Variants in SUMF1 observed in about 807,000 individuals in gnomAD.
SUMF1 encodes the protein formylglycine-generating enzyme.
In SUMF1, 48 loss-of-function variants were observed where a neutral mutation model predicts 47.6. That is an observed-to-expected ratio of 1.01 (90% CI 0.80 to 1.28). SUMF1 has a LOEUF of 1.28. Ranked by LOEUF, SUMF1 falls within the 50% of genes most tolerant of loss-of-function variation. The probability of loss-of-function intolerance (pLI) is 0.00; values close to 1 mark genes in which losing one functional copy is unlikely to be tolerated. For missense variants in SUMF1, 571 were observed against 485.4 expected, an observed-to-expected ratio of 1.18 and a Z score of -1.66; for synonymous variants, 230 against 192.1, an observed-to-expected ratio of 1.20 and a Z score of -1.63.
chr3:4,138,399 G>A (rs1212582879), intron 8 of SUMF1, among the ~76,000 whole-genome samples: 3 of 152,098 alleles, frequency 2.0e-5, no homozygotes, highest in Non-Finnish European at 2.9e-5. Context: ...ACTGGACAGT[G>A]AACACTGTGA....
intron 8 of SUMF1, among the ~76,000 whole-genome samples, chr3:4,116,445 A>G (rs910951823): frequency 1.1e-4 from 17 of 152,096 alleles, no homozygotes; most frequent in Non-Finnish European, 2.1e-4. Context: ...CAAAAGAGTT[A>G]TTTATTGCTA....
chr3:4,154,051 A>G (rs1419189772), intron 8 of SUMF1, among the ~76,000 whole-genome samples: 2 of 151,448 alleles, frequency 1.3e-5, no homozygotes, highest in African/African-American at 4.9e-5. Flanking sequence ...ACACTGTAAC[A>G]TGGACTATGG....
At chr3:4,317,042 TG>T in intron 8 of SUMF1, 1 of 1,549,398 alleles carries the variant, frequency 6.5e-7, no homozygotes, top group Non-Finnish European at 8.7e-7. Context: ...CGTATTCACC[TG>T]ACCTCTTGCC....
At chr3:4,063,168 C>A (rs1695302008) in intron 9 of SUMF1, among the ~76,000 whole-genome samples, 2 of 152,158 alleles carry the variant, frequency 1.3e-5, no homozygotes, top group African/African-American at 4.8e-5. Flanking sequence ...GGTTACCTAC[C>A]AGTAGAGCGT....
At chr3:4,164,330 A>G (rs1414858250) in intron 8 of SUMF1, among the ~76,000 whole-genome samples, 4 of 152,116 alleles carry the variant, frequency 2.6e-5, no homozygotes. Flanking sequence ...CTGGCCCTCA[A>G]TGGTTAAACG....
chr3:4,440,576 T>G (rs1368843027), intron 3 of SUMF1, among the ~76,000 whole-genome samples: 1 of 152,182 alleles, frequency 6.6e-6, no homozygotes, highest in Non-Finnish European at 1.5e-5. Context: ...ATTCTTTGCC[T>G]TCTGTCCCAG....
At chr3:4,259,184 A>C (rs1697030942) in intron 8 of SUMF1, among the ~76,000 whole-genome samples, 2 of 151,694 alleles carry the variant, frequency 1.3e-5, no homozygotes, top group African/African-American at 4.9e-5. Context: ...TAGTGGGTGC[A>C]GCGCACCAGC....
chr3:4,207,728 A>G (rs945264553), intron 8 of SUMF1, among the ~76,000 whole-genome samples: 11 of 152,176 alleles, frequency 7.2e-5, no homozygotes, highest in Non-Finnish European at 1.3e-4. Flanking sequence ...TCTTAAATTC[A>G]TCAAAGAAGT....
intron 8 of SUMF1, among the ~76,000 whole-genome samples, chr3:4,120,776 C>T (rs539636284): frequency 6.6e-6 from 1 of 152,112 alleles, no homozygotes; most frequent in Admixed American, 6.5e-5. Flanking sequence ...CAACAAGACC[C>T]CCAACTTGAG....
intron 8 of SUMF1, among the ~76,000 whole-genome samples, chr3:4,337,694 T>G (rs1238250271): frequency 6.6e-6 from 1 of 152,222 alleles, no homozygotes; most frequent in Non-Finnish European, 1.5e-5. Flanking sequence ...AAAAGTGCTT[T>G]CAAACAAATC....
At chr3:4,308,043 A>G (rs143026412) in intron 8 of SUMF1, among the ~76,000 whole-genome samples, 63 of 152,120 alleles carry the variant, frequency 4.1e-4, no homozygotes, top group Middle Eastern at 3.4e-3. Flanking sequence ...AAAAAATCCC[A>G]TTCTCCGTGT....
chr3:4,278,845 C>G (rs1697472341), intron 8 of SUMF1, among the ~76,000 whole-genome samples: 1 of 152,048 alleles, frequency 6.6e-6, no homozygotes, highest in Admixed American at 6.6e-5. Flanking sequence ...ATAAAAACTT[C>G]TAAAAATAAT....
At chr3:4,265,101 C>T (rs1319901183) in intron 8 of SUMF1, among the ~76,000 whole-genome samples, 4 of 135,044 alleles carry the variant, frequency 3.0e-5, no homozygotes, top group African/African-American at 1.1e-4. Flanking sequence ...TGCGCCACTG[C>T]ACTCCAGACT....
intron 8 of SUMF1, among the ~76,000 whole-genome samples, chr3:4,114,260 T>C (rs1326591893): frequency 1.3e-5 from 2 of 152,146 alleles, no homozygotes; most frequent in African/African-American, 4.8e-5. Flanking sequence ...ATGCAGAGTT[T>C]GCTATGGCAG....
At position 4,190,888 on chromosome 3, in the gene SUMF1, G is replaced by A. The variant is rs796642035; in HGVS notation, c.1015-122143C>T. 1.2e-4 allele frequency among the ~76,000 whole-genome samples: 19 copies of A among 152,186 alleles called. 1 individual carries two copies. Among genetic ancestry groups the A allele is most frequent in the African/African-American group, 3.9e-4 (16 of 41,540 alleles). ...GGTCTACTATGTCCCCACTATAATC[G>A]GGGTGCTAGGAAATAAGCAATACAC... is the stretch of plus-strand genomic sequence containing the variant. On this transcript the variant is annotated intron_variant and NMD_transcript_variant, in intron 8 of 12. Transcript: ENST00000448413.
chr3:4,390,442 G>T (rs1484095244), intron 7 of SUMF1, among the ~76,000 whole-genome samples: 1 of 152,182 alleles, frequency 6.6e-6, no homozygotes, highest in African/African-American at 2.4e-5. Flanking sequence ...CTGTCTAAAA[G>T]CTTTCTGTAT....
At chr3:4,146,462 C>T (rs1336903031) in intron 8 of SUMF1, among the ~76,000 whole-genome samples, 1 of 151,880 alleles carries the variant, frequency 6.6e-6, no homozygotes, top group Admixed American at 6.6e-5. Flanking sequence ...CACATGAAAT[C>T]AACACTGTCA....
chr3:4,381,466 T>C (rs924109392), intron 7 of SUMF1, among the ~76,000 whole-genome samples: 13 of 152,120 alleles, frequency 8.5e-5, no homozygotes, highest in Admixed American at 1.3e-4. Context: ...ACACCACCTG[T>C]TCCCCAATAA....
At chr3:4,286,540 G>A (rs1697636621) in intron 8 of SUMF1, among the ~76,000 whole-genome samples, 1 of 152,052 alleles carries the variant, frequency 6.6e-6, no homozygotes, top group Non-Finnish European at 1.5e-5. Flanking sequence ...TGAGTAAAAT[G>A]GTGCTGAAGG....
Sources: gnomAD v4.1 joint callset for allele counts (sites outside exome capture counted in the v4.1 genomes callset) on GRCh38, gnomAD v4.1.1 for gene constraint, MANE v1.5 for transcripts, NCBI Gene and HGNC (gene_info 2026-07-23, HGNC 2026-07-21) for gene names.